The following RBFOX1 variants were observed in gnomAD, a reference collection of about 807,000 sequenced individuals.
The protein encoded by RBFOX1 is RNA binding fox-1 homolog 1.
RBFOX1 carries 8 observed loss-of-function variants against 57.7 expected under a neutral mutation model. The observed-to-expected ratio is 0.14, with a 90% CI of 0.08 to 0.25. RBFOX1 has a LOEUF of 0.25. RBFOX1 is among the 10% of genes least tolerant of loss of function. The pLI is 1.00. For missense variants in RBFOX1, 611 were observed against 548.5 expected (o/e 1.11, Z -1.14); for synonymous variants, 326 against 222.4 (o/e 1.47, Z -4.15).
chr16:6,881,296 C>G (rs138414359), intron 3 of RBFOX1, among the ~76,000 whole-genome samples: 1 of 152,306 alleles, frequency 6.6e-6, no homozygotes, highest in East Asian at 1.9e-4. Flanking sequence ...TAAAACCTAT[C>G]GTTGACAATA....
chr16:7,018,503 G>T (rs2094030836), intron 3 of RBFOX1, among the ~76,000 whole-genome samples: 2 of 152,154 alleles, frequency 1.3e-5, no homozygotes, highest in South Asian at 4.1e-4. Flanking sequence ...TTGGTTCCAT[G>T]TCTTTGCTAT....
In RBFOX1 at chr16:5,831,647, G is replaced by A. The variant is rs188936151; in HGVS notation, c.319-35656G>A. Among the ~76,000 whole-genome samples, 1,002 of 151,924 alleles carry A rather than the reference G, an allele frequency of 6.6e-3. 12 individuals carry two copies. Among genetic ancestry groups the A allele is most frequent in the Non-Finnish European group, 8.0e-3 (541 of 67,938 alleles). ...TGGGGTTACAGGTGCCCACCACCAC[G>A]CCTGGCTAATTTTTGTATTTTGGTA... On this transcript the variant is annotated intron_variant, in intron 3 of 19. Coordinates refer to the RBFOX1 transcript ENST00000641259.
chr16:7,228,206 T>C (rs2093273506), intron 4 of RBFOX1, among the ~76,000 whole-genome samples: 1 of 151,966 alleles, frequency 6.6e-6, no homozygotes, highest in Admixed American at 6.5e-5. Flanking sequence ...CAACAGATAG[T>C]AGATTTTCAA....
chr16:5,686,306 C>T (rs1028919773), intron 3 of RBFOX1, among the ~76,000 whole-genome samples: 2 of 152,072 alleles, frequency 1.3e-5, no homozygotes, highest in Admixed American at 6.6e-5. Context: ...CCGTGATGTT[C>T]TGTTTGTTTA....
chr16:6,406,737 G>C (rs1339424890), intron 2 of RBFOX1, among the ~76,000 whole-genome samples: 1 of 152,140 alleles, frequency 6.6e-6, no homozygotes, highest in African/African-American at 2.4e-5. Flanking sequence ...ATCATGGCAA[G>C]CATGCATCAT....
intron 4 of RBFOX1, among the ~76,000 whole-genome samples, chr16:7,130,705 A>G (rs2070080780): frequency 6.6e-6 from 1 of 152,234 alleles, no homozygotes; most frequent in Non-Finnish European, 1.5e-5. Context: ...AAGCATAAAT[A>G]ATAGGAAGTG....
At chr16:6,552,874 G>C (rs967563294) in intron 2 of RBFOX1, among the ~76,000 whole-genome samples, 2 of 151,780 alleles carry the variant, frequency 1.3e-5, no homozygotes, top group Non-Finnish European at 2.9e-5. Context: ...ATTCTGTTTT[G>C]TGTTATACAT....
intron 2 of RBFOX1, among the ~76,000 whole-genome samples, chr16:6,372,490 A>T (rs2090579277): frequency 6.6e-6 from 1 of 150,408 alleles, no homozygotes; most frequent in Admixed American, 6.6e-5. Flanking sequence ...TGGAATGGAG[A>T]TTGGGTGGAA....
chr16:5,592,584 T>C (rs2047045928), intron 2 of RBFOX1, among the ~76,000 whole-genome samples: 2 of 150,684 alleles, frequency 1.3e-5, no homozygotes, highest in South Asian at 4.2e-4. Context: ...GCCTGGCTAA[T>C]TTTTGTATTT....
At position 5,877,111 on chromosome 16, in the gene RBFOX1, A is replaced by C. The variant is rs148681003; in HGVS notation, c.351+9776A>C. ...TGCTCCCTCCTAACAGAATAAAAGA[A>C]TTACTGATTATATCCAGGAGGAGGG... is the stretch of plus-strand genomic sequence containing the variant. On this transcript the variant is annotated intron_variant, in intron 4 of 19. Transcript: ENST00000641259. 3.7e-3 allele frequency among the ~76,000 whole-genome samples: 556 copies of C among 152,306 alleles called. 3 individuals carry two copies. Among genetic ancestry groups the C allele is most frequent in the African/African-American group, 0.013 (542 of 41,572 alleles).
intron 1 of RBFOX1, among the ~76,000 whole-genome samples, chr16:6,303,034 T>G (rs2079008844): frequency 6.6e-6 from 1 of 152,176 alleles, no homozygotes; most frequent in Non-Finnish European, 1.5e-5. Flanking sequence ...TGGGATATGA[T>G]GCTTGAGGTT....
At chr16:5,614,685 C>G (rs1411975569) in intron 3 of RBFOX1, among the ~76,000 whole-genome samples, 1 of 152,088 alleles carries the variant, frequency 6.6e-6, no homozygotes, top group African/African-American at 2.4e-5. Context: ...ACCCCTACCC[C>G]CTGTACATAT....
chr16:5,379,026 A>G (rs1182617533), intron 1 of RBFOX1, among the ~76,000 whole-genome samples: 1 of 151,490 alleles, frequency 6.6e-6, no homozygotes, highest in Non-Finnish European at 1.5e-5. Context: ...CCACCAATGT[A>G]TTAGGTTGGC....
intron 1 of RBFOX1, among the ~76,000 whole-genome samples, chr16:6,069,576 T>G (rs2095810496): frequency 1.3e-5 from 2 of 152,178 alleles, no homozygotes; most frequent in South Asian, 4.1e-4. Flanking sequence ...TTTAGACTCT[T>G]CTTTCTGGAG....
chr16:6,482,268 G>T (rs1337168834), intron 2 of RBFOX1, among the ~76,000 whole-genome samples: 1 of 152,170 alleles, frequency 6.6e-6, no homozygotes, highest in Admixed American at 6.5e-5. Flanking sequence ...GTTTAAATAA[G>T]TGCTTGAGGT....
chr16:6,557,014 TACATATATATACATATATAC>T (rs1192760130), intron 2 of RBFOX1, among the ~76,000 whole-genome samples: 4 of 137,564 alleles, frequency 2.9e-5, no homozygotes, highest in East Asian at 2.0e-4. Flanking sequence ...TACATATATA[TACATATATATACATATATAC>T]ACATATATAT....
chr16:7,309,593 C>G (rs947608422), intron 4 of RBFOX1, among the ~76,000 whole-genome samples: 2 of 152,176 alleles, frequency 1.3e-5, no homozygotes, highest in African/African-American at 4.8e-5. Flanking sequence ...GAGTAATTCT[C>G]CAGTAGCTGA....
intron 2 of RBFOX1, among the ~76,000 whole-genome samples, chr16:5,507,269 G>C (rs1029122961): frequency 2.6e-5 from 4 of 152,088 alleles, no homozygotes; most frequent in Admixed American, 1.3e-4. Context: ...TATACCATTT[G>C]CCATGATTGG....
At chr16:6,113,237 A>G (rs1004390678) in intron 1 of RBFOX1, among the ~76,000 whole-genome samples, 28 of 152,190 alleles carry the variant, frequency 1.8e-4, no homozygotes, top group African/African-American at 6.8e-4. Flanking sequence ...TTACAGATGG[A>G]CAAGAGGGTG....
Sources: allele counts gnomAD v4.1 joint callset (sites outside exome capture counted in the v4.1 genomes callset), GRCh38; gene constraint gnomAD v4.1.1; transcripts MANE v1.5; gene names NCBI Gene and HGNC (gene_info 2026-07-23, HGNC 2026-07-21).